The following PACRGL variants were observed in gnomAD, a reference collection of about 807,000 sequenced individuals.
PACRGL encodes PACRG-like protein.
In PACRGL, 38 loss-of-function variants were observed where a neutral mutation model predicts 34.5. The ratio of observed to expected loss-of-function variants is 1.10; its 90% CI spans 0.85 to 1.44. The LOEUF (loss-of-function observed/expected upper bound fraction) is 1.44. PACRGL is among the 40% of genes most tolerant of loss of function. The pLI, the probability that PACRGL is intolerant of heterozygous loss-of-function variation, is 0.00. For missense variants in PACRGL, 305 were observed against 281.4 expected, an observed-to-expected ratio of 1.08 and a Z score of -0.60; for synonymous variants, 128 against 100.1, an observed-to-expected ratio of 1.28 and a Z score of -1.66.
At chr4:20,712,422 C>G (rs925675174) in intron 5 of PACRGL, among the ~76,000 whole-genome samples, 15 of 151,540 alleles carry the variant, frequency 9.9e-5, no homozygotes, top group Admixed American at 5.3e-4. Context: ...ACAAATAATA[C>G]AATATAAAAA....
intron 8 of PACRGL, among the ~76,000 whole-genome samples, chr4:20,744,644 G>T (rs1255663974): frequency 6.6e-6 from 1 of 152,128 alleles, no homozygotes; most frequent in Admixed American, 6.6e-5. Flanking sequence ...GGGAGGGATA[G>T]CATTAGGAGA....
At chr4:20,723,200 C>A (rs1744155982) in intron 7 of PACRGL, among the ~76,000 whole-genome samples, 1 of 152,156 alleles carries the variant, frequency 6.6e-6, no homozygotes, top group Admixed American at 6.5e-5. Context: ...AGAATCTTGG[C>A]AGATATTTGT....
At chr4:20,761,682 T>C in the PACRGL span, among the ~76,000 whole-genome samples, 2 of 152,172 alleles carry the variant, frequency 1.3e-5, no homozygotes, top group African/African-American at 2.4e-5. Context: ...TCAACAAATT[T>C]GTTAGCTGCC....
chr4:20,719,199 C>T (rs1055004283), intron 7 of PACRGL, among the ~76,000 whole-genome samples: 9 of 151,914 alleles, frequency 5.9e-5, no homozygotes, highest in East Asian at 1.9e-4. Context: ...TTTTTTATTG[C>T]GTCTATTTGA....
At chr4:20,704,579 G>A in intron 2 of PACRGL, 46 bp downstream of exon 2, 1 of 1,612,982 alleles carries the variant, frequency 6.2e-7, no homozygotes, top group Non-Finnish European at 8.5e-7. Context: ...TTTGTTCATG[G>A]CACTTTCTGT....
chr4:20,730,174 A>G lies in PACRGL; in HGVS notation c.*2833A>G, dbSNP rs762971898. On this transcript the variant is annotated 3_prime_UTR_variant, in exon 9 of 9. Transcript: ENST00000503585. Reference sequence around the variant, plus strand: ...AGCGATTAAATTCAGCATATCTGCAAGGAAAAGTACACTATTTTGCCCCTG... The same window carrying G: ...AGCGATTAAATTCAGCATATCTGCAGGGAAAAGTACACTATTTTGCCCCTG... The G allele has an allele frequency of 2.0e-5, 31 of 1,576,902 alleles. No homozygotes were observed. Among genetic ancestry groups the G allele is most frequent in the Non-Finnish European group, 2.5e-5 (29 of 1,162,920 alleles).
At chr4:20,732,973 G>T (rs901284305), downstream of PACRGL, among the ~76,000 whole-genome samples, 29 of 152,118 alleles carry the variant, frequency 1.9e-4, no homozygotes, top group African/African-American at 7.0e-4. Context: ...AAGAGCAGAA[G>T]AATCAGAATT....
downstream of PACRGL, among the ~76,000 whole-genome samples, chr4:20,754,113 A>G (rs1317275344): frequency 1.3e-5 from 2 of 152,146 alleles, no homozygotes; most frequent in African/African-American, 2.4e-5. Context: ...GTGTAACCAT[A>G]TAGGCAATAG....
At chr4:20,719,749 A>G (rs1021568415) in intron 7 of PACRGL, among the ~76,000 whole-genome samples, 2 of 151,890 alleles carry the variant, frequency 1.3e-5, no homozygotes, top group African/African-American at 4.9e-5. Context: ...TTTACTTCCA[A>G]CTATGTGGTC....
chr4:20,719,549 C>G (rs1741966966), intron 7 of PACRGL, among the ~76,000 whole-genome samples: 1 of 152,184 alleles, frequency 6.6e-6, no homozygotes, highest in African/African-American at 2.4e-5. Flanking sequence ...TCATTGGTTT[C>G]AAAGAACATC....
rs1747105962 is a variant in PACRGL, at chr4:20,729,270, A to AAACATCC, written c.*1930_*1936dup. 2.0e-5 allele frequency: 3 copies of AAACATCC among 152,118 alleles called. No homozygotes were observed. 9.4% of individuals were successfully genotyped at this position (152,118 alleles called of 1,614,324 possible). A position where few individuals can be genotyped will look rare whatever the true frequency, so the allele number is the denominator to read the frequency against. The stretch of plus-strand genomic sequence containing the variant: ...ATCCTGACCCTTTGCATATGTCTGT[A>AAACATCC]AACATCCTTGTTTTGTTTGATGCCT... On this transcript the variant is annotated 3_prime_UTR_variant, in exon 9 of 9. Coordinates refer to ENST00000503585, the MANE Select transcript of PACRGL (RefSeq NM_001258345.3).
In PACRGL at chr4:20,731,259, A is replaced by C. The variant is rs1748112999; in HGVS notation, c.*3918A>C. The stretch of plus-strand genomic sequence containing the variant: ...TAACTTAATTTTTTTTTGTAGAGAT[A>C]GATAGGGTCTTGCTATGTTGCCCAC... On this transcript the variant is annotated 3_prime_UTR_variant, in exon 9 of 9. Transcript: ENST00000503585. 1 of 344,276 alleles carries C rather than the reference A, an allele frequency of 2.9e-6. No homozygotes were observed. The highest frequency in any genetic ancestry group is 2.2e-5 in the African/African-American group (1 of 44,858). The allele number at this position is 344,276 out of a possible 1,614,324, so 21.3% of individuals were successfully genotyped here.
At chr4:20,763,174 T>C in the PACRGL span, among the ~76,000 whole-genome samples, 6 of 152,194 alleles carry the variant, frequency 3.9e-5, no homozygotes, top group Non-Finnish European at 8.8e-5. Flanking sequence ...CAGTTGAACA[T>C]ACCTAACCTG....
upstream of PACRGL, among the ~76,000 whole-genome samples, chr4:20,697,481 T>A (rs1439878554): frequency 2.0e-5 from 3 of 152,160 alleles, no homozygotes; most frequent in Admixed American, 2.0e-4. Flanking sequence ...ACTCATAAGG[T>A]TATATAATAT....
At chr4:20,703,123 C>T (rs919319688) in intron 1 of PACRGL, among the ~76,000 whole-genome samples, 14 of 152,076 alleles carry the variant, frequency 9.2e-5, no homozygotes, top group Admixed American at 7.9e-4. Flanking sequence ...TAAAAAGTAT[C>T]AGTGTTTATC....
intron 7 of PACRGL, among the ~76,000 whole-genome samples, chr4:20,717,244 G>A (rs1740551742): frequency 6.6e-6 from 1 of 152,180 alleles, no homozygotes; most frequent in African/African-American, 2.4e-5. Context: ...CCCTTTGTCA[G>A]ATGAGTAGAT....
At chr4:20,751,150 C>T (rs982278360) in intron 8 of PACRGL, among the ~76,000 whole-genome samples, 2 of 152,144 alleles carry the variant, frequency 1.3e-5, no homozygotes, top group Admixed American at 6.5e-5. Flanking sequence ...GTGGCATCTT[C>T]GCTCATCTCT....
intron 4 of PACRGL, among the ~76,000 whole-genome samples, chr4:20,709,193 T>G (rs149351240): frequency 6.6e-6 from 1 of 152,256 alleles, no homozygotes; most frequent in East Asian, 1.9e-4. Context: ...CACCACTTTG[T>G]AACCCTAAAT....
chr4:20,720,284 A>G (rs1036965728), intron 7 of PACRGL, among the ~76,000 whole-genome samples: 5 of 152,074 alleles, frequency 3.3e-5, no homozygotes, highest in South Asian at 2.1e-4. Context: ...TCTTTATCCA[A>G]TCTGCCAGTC....
Sources: allele counts gnomAD v4.1 joint callset (sites outside exome capture counted in the v4.1 genomes callset), GRCh38; gene constraint gnomAD v4.1.1; transcripts MANE v1.5; gene names NCBI Gene and HGNC (gene_info 2026-07-23, HGNC 2026-07-21).